Variants in CEP83 observed in about 807,000 individuals in gnomAD.
CEP83 encodes the protein centrosomal protein 83, also known as centrosomal protein of 83 kDa.
CEP83 carries 70 observed loss-of-function variants against 101.9 expected under a neutral mutation model. The ratio of observed to expected loss-of-function variants is 0.69; its 90% CI spans 0.57 to 0.84. The LOEUF (loss-of-function observed/expected upper bound fraction) is 0.84, where lower values mean the gene tolerates loss of function less well. Among genes scored for constraint, CEP83 ranks in the 40% least tolerant of loss-of-function variants. The probability of loss-of-function intolerance (pLI) is 0.00; values close to 1 mark genes in which losing one functional copy is unlikely to be tolerated. For missense variants in CEP83, 715 were observed against 787.2 expected (o/e 0.91, Z 1.10); for synonymous variants, 264 against 267.9 (o/e 0.99, Z 0.14).
At chr12:94,307,649 A>AAAAAT (rs1219539397), downstream of CEP83, 207 of 151,704 alleles carry the variant, frequency 1.4e-3, no homozygotes, top group African/African-American at 4.6e-3. Context: ...TCTATATCCA[A>AAAAAT]AAAATAAACA....
At chr12:94,394,816 T>G (rs1207657954) in intron 6 of CEP83, among the ~76,000 whole-genome samples, 1 of 152,178 alleles carries the variant, frequency 6.6e-6, no homozygotes, top group African/African-American at 2.4e-5. Flanking sequence ...GCAAAGGATA[T>G]GAACAGACAC....
At chr12:94,450,268 T>C (rs2067152509) in intron 1 of CEP83, among the ~76,000 whole-genome samples, 1 of 152,232 alleles carries the variant, frequency 6.6e-6, no homozygotes, top group South Asian at 2.1e-4. Context: ...TGCATTTTTT[T>C]TTAGACAGAT....
chr12:94,382,469 A>G (rs2061904054), intron 6 of CEP83, among the ~76,000 whole-genome samples: 1 of 151,650 alleles, frequency 6.6e-6, no homozygotes, highest in Non-Finnish European at 1.5e-5. Context: ...GCATGTATTT[A>G]GTGCTATAAA....
At position 94,335,942 on chromosome 12, in the gene CEP83, G is replaced by A. The variant is rs1593228014; in HGVS notation, c.1344-278C>T. On this transcript the variant is annotated intron_variant, in intron 11 of 16. Coordinates refer to ENST00000397809, the MANE Select transcript of CEP83 (RefSeq NM_016122.3). Reference sequence around the variant, plus strand: ...GGGAACGCTACATGGATAAAAACCTGACAGGTAGGATTTTGATATACATAA... The same window carrying A: ...GGGAACGCTACATGGATAAAAACCTAACAGGTAGGATTTTGATATACATAA... The A allele has an allele frequency of 2.1e-5, 6 of 291,504 alleles. No homozygotes were observed. The East Asian group carries it at 4.4e-4, about 22-fold the overall frequency. 18.1% of individuals were successfully genotyped at this position (291,504 alleles called of 1,614,324 possible). A position where few individuals can be genotyped will look rare whatever the true frequency, so the allele number is the denominator to read the frequency against.
intron 1 of CEP83, among the ~76,000 whole-genome samples, chr12:94,442,716 A>C (rs2066502148): frequency 6.6e-6 from 1 of 152,192 alleles, no homozygotes; most frequent in South Asian, 2.1e-4. Context: ...TTTATCCGCT[A>C]CATCAACTTA....
chr12:94,354,328 C>T (rs117732099), intron 11 of CEP83, among the ~76,000 whole-genome samples: 2,874 of 151,868 alleles, frequency 0.019, 39 homozygotes, highest in East Asian at 0.071. Context: ...ATTACTGTCA[C>T]GCACCACCAA....
rs545161516 is a variant in CEP83, at chr12:94,375,393, T to C, written c.933+493A>G. Reference sequence around the variant, plus strand: ...GCAGAAACCCTGAGCAAGATGTGAGTTTGCTCAAAGAGTGAGAAGGCCAAA... The same window carrying C: ...GCAGAAACCCTGAGCAAGATGTGAGCTTGCTCAAAGAGTGAGAAGGCCAAA... On this transcript the variant is annotated intron_variant, in intron 8 of 16. Coordinates refer to ENST00000397809, the MANE Select transcript of CEP83 (RefSeq NM_016122.3). Among the ~76,000 whole-genome samples, 105 of 151,430 alleles carry C rather than the reference T, an allele frequency of 6.9e-4. 1 individual carries two copies. Among genetic ancestry groups the C allele is most frequent in the Middle Eastern group, 3.4e-3 (1 of 294 alleles).
At chr12:94,355,543 G>A (rs1035364333) in intron 11 of CEP83, among the ~76,000 whole-genome samples, 5 of 152,178 alleles carry the variant, frequency 3.3e-5, no homozygotes, top group Non-Finnish European at 7.3e-5. Flanking sequence ...TTAGTAGAGA[G>A]AACTAAAACG....
chr12:94,391,892 T>C (rs926162891), intron 6 of CEP83, among the ~76,000 whole-genome samples: 3 of 150,958 alleles, frequency 2.0e-5, no homozygotes, highest in African/African-American at 4.9e-5. Flanking sequence ...AAGAAGGCCA[T>C]GGTAAATGGA....
chr12:94,431,099 AC>A (rs1417590744), intron 2 of CEP83, among the ~76,000 whole-genome samples: 1 of 152,218 alleles, frequency 6.6e-6, no homozygotes, highest in Non-Finnish European at 1.5e-5. Context: ...ACACAAGAGC[AC>A]CCAGATATAC....
At chr12:94,376,724 CACACACACAT>C (rs1393736898) in intron 7 of CEP83, among the ~76,000 whole-genome samples, 2 of 121,682 alleles carry the variant, frequency 1.6e-5, no homozygotes, top group South Asian at 2.6e-4. Flanking sequence ...CACACACACA[CACACACACAT>C]ATATATATAT....
chr12:94,295,749 A>G, the CEP83 span, among the ~76,000 whole-genome samples: 1 of 152,120 alleles, frequency 6.6e-6, no homozygotes, highest in African/African-American at 2.4e-5. Context: ...CTATAAGTTC[A>G]TGGTACCCAA....
At chr12:94,322,162 C>T (rs1291523809) in intron 14 of CEP83, among the ~76,000 whole-genome samples, 3 of 152,048 alleles carry the variant, frequency 2.0e-5, no homozygotes, top group Non-Finnish European at 4.4e-5. Flanking sequence ...ATACAAAAGC[C>T]GTCTAGCTTT....
chr12:94,275,031 A>G, the CEP83 span, among the ~76,000 whole-genome samples: 1 of 152,224 alleles, frequency 6.6e-6, no homozygotes, highest in African/African-American at 2.4e-5. Flanking sequence ...TTTAAGGCTC[A>G]GCGAAGTTAG....
At chr12:94,279,273 T>C in the CEP83 span, among the ~76,000 whole-genome samples, 1 of 152,248 alleles carries the variant, frequency 6.6e-6, no homozygotes, top group African/African-American at 2.4e-5. Context: ...ATGAGAGTTT[T>C]AACTTTCTGT....
At chr12:94,344,106 T>C (rs1391575847) in intron 11 of CEP83, among the ~76,000 whole-genome samples, 1 of 152,220 alleles carries the variant, frequency 6.6e-6, no homozygotes, top group Non-Finnish European at 1.5e-5. Context: ...CTATGACTTC[T>C]AGTCTCCAAA....
chr12:94,275,628 C>T, the CEP83 span, among the ~76,000 whole-genome samples: 30 of 86,312 alleles, frequency 3.5e-4, 3 homozygotes, highest in Non-Finnish European at 6.3e-4. Context: ...CCGAGGCGGG[C>T]GGATCACGAG....
At chr12:94,421,385 G>A (rs1233626067) in intron 2 of CEP83, among the ~76,000 whole-genome samples, 1 of 151,956 alleles carries the variant, frequency 6.6e-6, no homozygotes, top group African/African-American at 2.4e-5. Context: ...TTTAAAAAGG[G>A]ACTTAGAAGG....
At chr12:94,293,911 C>T in the CEP83 span, among the ~76,000 whole-genome samples, 17 of 152,196 alleles carry the variant, frequency 1.1e-4, no homozygotes, top group African/African-American at 3.1e-4. Flanking sequence ...TGAGGCACCA[C>T]GCCCAGCCCT....
Sources: gnomAD v4.1 joint callset for allele counts (sites outside exome capture counted in the v4.1 genomes callset) on GRCh38, gnomAD v4.1.1 for gene constraint, MANE v1.5 for transcripts, NCBI Gene and HGNC (gene_info 2026-07-23, HGNC 2026-07-21) for gene names.